The following MDN1 variants were observed in gnomAD, a reference collection of about 807,000 sequenced individuals.
The protein encoded by MDN1 is midasin.
MDN1 carries 266 observed loss-of-function variants against 669.2 expected under a neutral mutation model. The ratio of observed to expected loss-of-function variants is 0.40; its 90% CI spans 0.36 to 0.44. MDN1 has a LOEUF of 0.44. MDN1 is among the 20% of genes least tolerant of loss of function. The probability of loss-of-function intolerance (pLI) is 1.00; values close to 1 mark genes in which losing one functional copy is unlikely to be tolerated. For synonymous variants in MDN1, 2,385 were observed against 2,457.1 expected (o/e 0.97, Z 0.87); for missense variants, 5,940 against 6,754.0 (o/e 0.88, Z 4.22).
At chr6:89,768,911 ATGT>A (rs1817945064) in intron 15 of MDN1, among the ~76,000 whole-genome samples, 1 of 152,086 alleles carries the variant, frequency 6.6e-6, no homozygotes, top group Non-Finnish European at 1.5e-5. Flanking sequence ...AATCAGCTGC[ATGT>A]AGTGGCTTGT....
chr6:89,792,784 G>A (rs567323607), intron 5 of MDN1, among the ~76,000 whole-genome samples: 1 of 151,918 alleles, frequency 6.6e-6, no homozygotes, highest in South Asian at 2.1e-4. Context: ...AGTGGCTCAC[G>A]CTGAGGCAGG....
chr6:89,818,638 C>T (rs935930993), intron 1 of MDN1, among the ~76,000 whole-genome samples: 1 of 151,376 alleles, frequency 6.6e-6, no homozygotes, highest in Non-Finnish European at 1.5e-5. Flanking sequence ...GGTGAAACCC[C>T]GTCTCTACTA....
chr6:89,711,284 G>A (rs1313304684), intron 49 of MDN1, among the ~76,000 whole-genome samples: 3 of 152,056 alleles, frequency 2.0e-5, no homozygotes, highest in African/African-American at 4.8e-5. Flanking sequence ...CTCCATATCT[G>A]AGGGTTCCAC....
Position 89,650,078 on chromosome 6 carries a change from C to A in MDN1, c.16152G>T (p.Gln5384His). ...RRTKPSKRQY[Q>H]ICLAIDDSSS... ...AAGAGTCATCGATAGCCAAACAAAT[C>A]TGATACTGGCGTTTACTGGGCTTGG... Residue 5384 changes from glutamine to histidine, a missense_variant, in exon 97 of 102, where the codon CAG becomes CAT. By Grantham distance (24) the Gln-to-His change is conservative. Coordinates refer to ENST00000369393, the MANE Select transcript of MDN1 (RefSeq NM_014611.3). The A allele has an allele frequency of 6.2e-7, 1 of 1,614,124 alleles. No homozygotes were observed. The highest frequency in any genetic ancestry group is 1.1e-5 in the South Asian group (1 of 91,080).
chr6:89,740,470 T>A, intron 31 of MDN1, 92 bp from the exon 32 acceptor site: 1 of 1,244,702 alleles, frequency 8.0e-7, no homozygotes, highest in Non-Finnish European at 1.1e-6. Context: ...AAAAAAGTTA[T>A]CTTCTTTCTA....
At chr6:89,766,797 T>C (rs1265708073) in intron 15 of MDN1, among the ~76,000 whole-genome samples, 1 of 152,246 alleles carries the variant, frequency 6.6e-6, no homozygotes, top group Non-Finnish European at 1.5e-5. Context: ...TGAGTTCAAA[T>C]TGCATGCTCC....
chr6:89,726,409 A>G (rs1584273609), intron 37 of MDN1, among the ~76,000 whole-genome samples: 1 of 151,054 alleles, frequency 6.6e-6, no homozygotes, highest in Non-Finnish European at 1.5e-5. Flanking sequence ...GGTTACAATG[A>G]GCCGAGAACC....
At chr6:89,796,278 C>T (rs190543174) in intron 2 of MDN1, among the ~76,000 whole-genome samples, 84 of 134,550 alleles carry the variant, frequency 6.2e-4, no homozygotes, top group African/African-American at 2.0e-3. Flanking sequence ...GAGCCAAGAT[C>T]GCGCCATTGC....
chr6:89,738,502 A>T, intron 32 of MDN1, 47 bp from the exon 33 acceptor site: 2 of 1,602,944 alleles, frequency 1.2e-6, no homozygotes, highest in Non-Finnish European at 1.7e-6. Context: ...AACTGTAAGG[A>T]AAGCTGGAAA....
chr6:89,753,116 C>CT (rs1438632417), intron 22 of MDN1, among the ~76,000 whole-genome samples: 1 of 151,612 alleles, frequency 6.6e-6, no homozygotes, highest in Non-Finnish European at 1.5e-5. Context: ...GAGCAAGACT[C>CT]TATCTGCAAA....
rs534590056 is a variant in MDN1 at position 89,803,530 on chromosome 6, A to G, written c.127T>C (p.Cys43Arg). The G allele has an allele frequency of 7.4e-6, 12 of 1,613,546 alleles. No individual in the cohort carries two copies. The highest frequency in any genetic ancestry group is 4.5e-5 in the East Asian group (2 of 44,874). ...KQVWTPQDRQ[C>R]VLSTLAQLLL... ...AACTGTGCTAAGGTACTCAGGACACACTGGCGATCTTGAGGTGTCCACACC... is the reference window on the plus strand; with the variant it reads ...AACTGTGCTAAGGTACTCAGGACACGCTGGCGATCTTGAGGTGTCCACACC... The change falls in exon 2 of 102, where the codon TGT becomes CGT. Residue 43 changes from cysteine (C) to arginine (R), a missense_variant. Physicochemically the swap from Cys to Arg is radical, Grantham distance 180. Coordinates refer to ENST00000369393, the MANE Select transcript of MDN1 (RefSeq NM_014611.3).
In MDN1 at chr6:89,789,770, G is replaced by GGT. The variant is rs1359820712; in HGVS notation, c.1230+9_1230+10insAC. ...TATTAAGGGACAATGAATTTCCTGA[G>GGT]ATGACATACCACGTCTAAGGGGGCA... On this transcript the variant is annotated intron_variant, in intron 7 of 101. Transcript: ENST00000369393. 3 of 1,576,500 alleles carry GGT rather than the reference G, an allele frequency of 1.9e-6. No homozygotes were observed. The highest frequency in any genetic ancestry group is 2.6e-6 in the Non-Finnish European group (3 of 1,162,250).
chr6:89,711,919 G>C (rs1813957745), intron 49 of MDN1, 117 bp downstream of exon 49: 6 of 910,466 alleles, frequency 6.6e-6, no homozygotes, highest in Non-Finnish European at 8.3e-6. Flanking sequence ...CTTCCTAGGA[G>C]ACCTCCCAAC....
chr6:89,713,053 T>C, intron 47 of MDN1, 95 bp downstream of exon 47: 4 of 1,376,356 alleles, frequency 2.9e-6, no homozygotes. Flanking sequence ...TCAACTCTCT[T>C]AGGTCACTGG....
At chr6:89,792,890 G>A (rs1483487856) in intron 5 of MDN1, among the ~76,000 whole-genome samples, 1 of 151,978 alleles carries the variant, frequency 6.6e-6, no homozygotes, top group African/African-American at 2.4e-5. Flanking sequence ...ATGGTGGCAG[G>A]CACCTGTAAT....
Position 89,645,066 on chromosome 6 carries a change from C to A in MDN1, c.16551G>T (p.Arg5517=). The change falls in exon 101 of 102, where the codon CGG becomes CGT. Residue 5517 remains arginine (R), a synonymous_variant. Coordinates refer to ENST00000369393, the MANE Select transcript of MDN1 (RefSeq NM_014611.3). Reference sequence around the variant, plus strand: ...CAAAGATGACAAAGATATTTGCATTCCGGGCAGCCTGAACTGCTGCCAGGA... The same window carrying A: ...CAAAGATGACAAAGATATTTGCATTACGGGCAGCCTGAACTGCTGCCAGGA... The part of the protein sequence containing the change: ...ERVLAAVQAA[R]NANIFVIFVV... The A allele has an allele frequency of 6.2e-7, 1 of 1,610,912 alleles. No individual in the cohort carries two copies. The highest frequency in any genetic ancestry group is 8.5e-7 in the Non-Finnish European group (1 of 1,177,306).
At chr6:89,659,132 T>A (rs1251409591) in intron 88 of MDN1, among the ~76,000 whole-genome samples, 2 of 152,174 alleles carry the variant, frequency 1.3e-5, no homozygotes. Flanking sequence ...ATCCCAACAC[T>A]TTGGGAGGCT....
Position 89,650,786 on chromosome 6 carries a change from C to T in MDN1, c.15977G>A (p.Arg5326Gln), listed in dbSNP as rs183309067. The change falls in exon 96 of 102, where the codon CGG becomes CAG. Residue 5326 changes from arginine to glutamine, a missense_variant. Coordinates refer to ENST00000369393, the MANE Select transcript of MDN1 (RefSeq NM_014611.3). The stretch of plus-strand genomic sequence containing the variant: ...TATGAGACGAAGCTCTTCACATAAC[C>T]GTTGTGAAAGAGGCGCTGTTAAGAT... The part of the protein sequence containing the change: ...YLILTAPLSQ[R>Q]LCEELRLILE... 137 of 1,614,084 alleles carry T rather than the reference C, an allele frequency of 8.5e-5. No homozygotes were observed. The highest frequency in any genetic ancestry group is 1.3e-4 in the East Asian group (6 of 44,874).
Position 89,670,995 on chromosome 6 carries a change from A to G in MDN1, c.13880T>C (p.Met4627Thr), listed in dbSNP as rs556500675. Residue 4627 changes from methionine (M) to threonine (T), a missense_variant, in exon 83 of 102, where the codon ATG becomes ACG. By Grantham distance (81) the Met-to-Thr change is moderately conservative. Around this residue, in one of 5 missense-constraint regions of MDN1, gnomAD observed 2,280 missense variants for 2,576.3 expected, o/e 0.88. Coordinates refer to ENST00000369393, the MANE Select transcript of MDN1 (RefSeq NM_014611.3). ...AGTACTACGGTGAGTTGCTAAAGAC[A>G]TGGTCAGGAAGAAGAGGACGAGGTC... ...YSDLVLFFLT[M>T]SLATHRSTAK... 9.3e-6 allele frequency: 15 copies of G among 1,614,160 alleles called. No individual in the cohort carries two copies. The African/African-American group carries it at 1.9e-4, about 20-fold the overall frequency.
Sources: allele counts gnomAD v4.1 joint callset (sites outside exome capture counted in the v4.1 genomes callset), GRCh38; gene constraint gnomAD v4.1.1; regional missense constraint gnomAD v4.1.1; transcripts MANE v1.5; gene names NCBI Gene and HGNC (gene_info 2026-07-23, HGNC 2026-07-21).